The following HOMER1 variants were observed in gnomAD, a reference collection of about 807,000 sequenced individuals.
HOMER1 encodes the protein homer protein homolog 1.
HOMER1 carries 3 observed loss-of-function variants against 48.9 expected under a neutral mutation model. The ratio of observed to expected loss-of-function variants is 0.06; its 90% confidence interval spans 0.03 to 0.16. The LOEUF is 0.16. HOMER1 is among the 10% of genes least tolerant of loss of function. HOMER1 has a pLI of 1.00. For missense variants in HOMER1, 247 were observed against 411.4 expected (o/e 0.60, Z 3.46); for synonymous variants, 134 against 146.4 (o/e 0.92, Z 0.61).
chr5:79,464,136 G>C (rs1751390391), intron 1 of HOMER1, among the ~76,000 whole-genome samples: 1 of 152,068 alleles, frequency 6.6e-6, no homozygotes, highest in Non-Finnish European at 1.5e-5. Flanking sequence ...ATTAACGATG[G>C]AAAATAATGC....
intron 1 of HOMER1, among the ~76,000 whole-genome samples, chr5:79,484,836 C>T (rs1364489211): frequency 6.6e-6 from 1 of 152,196 alleles, no homozygotes; most frequent in Non-Finnish European, 1.5e-5. Flanking sequence ...CACACAATAT[C>T]TGTTAAGTGA....
chr5:79,438,695 TAAA>T (rs1299050823), intron 5 of HOMER1, among the ~76,000 whole-genome samples: 7 of 152,174 alleles, frequency 4.6e-5, no homozygotes, highest in Non-Finnish European at 8.8e-5. Context: ...GAGGCTATGT[TAAA>T]AGACAGGTAG....
intron 1 of HOMER1, among the ~76,000 whole-genome samples, chr5:79,469,896 G>A (rs1751572721): frequency 6.6e-6 from 1 of 152,196 alleles, no homozygotes; most frequent in Non-Finnish European, 1.5e-5. Flanking sequence ...AATCCCTGTA[G>A]TGATGTGGTG....
At chr5:79,415,231 T>C (rs1489614477) in intron 5 of HOMER1, among the ~76,000 whole-genome samples, 1 of 151,656 alleles carries the variant, frequency 6.6e-6, no homozygotes, top group African/African-American at 2.4e-5. Context: ...TTTTTGTATT[T>C]TTTTTTTTTG....
At chr5:79,500,953 G>GAGAC (rs1268308423) in intron 1 of HOMER1, among the ~76,000 whole-genome samples, 2 of 113,758 alleles carry the variant, frequency 1.8e-5, no homozygotes, top group Non-Finnish European at 3.6e-5. Context: ...GTGTGTGTGT[G>GAGAC]AGACAGACAG....
intron 5 of HOMER1, among the ~76,000 whole-genome samples, chr5:79,423,654 C>A (rs1319181834): frequency 6.6e-6 from 1 of 152,054 alleles, no homozygotes; most frequent in African/African-American, 2.4e-5. Flanking sequence ...AAAGGCAGTA[C>A]TAAGTCTCAT....
intron 8 of HOMER1, among the ~76,000 whole-genome samples, chr5:79,379,115 A>ATATATATATATATATATATATATAT (rs1349080228): frequency 3.6e-4 from 20 of 55,606 alleles, no homozygotes; most frequent in Non-Finnish European, 5.3e-4. Context: ...TATATATATA[A>ATATATATATATATATATATATATAT]AATATATAAA....
In HOMER1 at chr5:79,375,920, TTTTG is replaced by T; in HGVS notation, c.*85_*88del. The T allele has an allele frequency of 3.5e-6, 2 of 577,384 alleles. No homozygotes were observed. Among genetic ancestry groups the T allele is most frequent in the South Asian group, 8.5e-5 (1 of 11,814 alleles). The allele number at this position is 577,384 out of a possible 1,614,324, so 35.8% of individuals were successfully genotyped here. On this transcript the variant is annotated 3_prime_UTR_variant, in exon 9 of 9. Transcript: ENST00000334082. ...TGATATTCAATTTTTTTTTTTTTTT[TTTTG>T]TGCAATCTTGATGCAGAGCCTAAAC...
intron 8 of HOMER1, among the ~76,000 whole-genome samples, chr5:79,382,025 T>C (rs1263934609): frequency 6.6e-6 from 1 of 151,662 alleles, no homozygotes; most frequent in African/African-American, 2.4e-5. Context: ...AAAAAATACA[T>C]TCAAAAGATT....
At chr5:79,420,689 G>A (rs962214442) in intron 5 of HOMER1, among the ~76,000 whole-genome samples, 8 of 152,108 alleles carry the variant, frequency 5.3e-5, no homozygotes, top group African/African-American at 7.2e-5. Context: ...GAGAATGTTG[G>A]AGTAATCATG....
At chr5:79,441,802 C>T (rs924790944) in intron 4 of HOMER1, among the ~76,000 whole-genome samples, 2 of 152,008 alleles carry the variant, frequency 1.3e-5, no homozygotes, top group African/African-American at 4.8e-5. Flanking sequence ...CCAACTACCG[C>T]AGAGGTAGCC....
chr5:79,385,213 T>G (rs1055658474), intron 8 of HOMER1, among the ~76,000 whole-genome samples: 2 of 152,072 alleles, frequency 1.3e-5, no homozygotes, highest in African/African-American at 2.4e-5. Flanking sequence ...AGACTTCATG[T>G]CTATGACTTC....
In HOMER1 at chr5:79,373,339, A is replaced by G. The variant is rs754432940; in HGVS notation, c.*2670T>C. On this transcript the variant is annotated 3_prime_UTR_variant, in exon 9 of 9. Coordinates refer to ENST00000334082, the MANE Select transcript of HOMER1 (RefSeq NM_004272.5). The stretch of plus-strand genomic sequence containing the variant: ...CAATTTTTGTTTTTGTACAAGATTC[A>G]ATAGTTATCACATATTAACTTATAC... 6.6e-6 allele frequency: 1 copy of G among 152,026 alleles called. No homozygotes were observed. The highest frequency in any genetic ancestry group is 1.5e-5 in the Non-Finnish European group (1 of 67,932). 9.4% of individuals were successfully genotyped at this position (152,026 alleles called of 1,614,324 possible).
At chr5:79,395,863 A>G (rs1264843173) in intron 8 of HOMER1, among the ~76,000 whole-genome samples, 1 of 152,206 alleles carries the variant, frequency 6.6e-6, no homozygotes, top group African/African-American at 2.4e-5. Flanking sequence ...TAAAGTGCTA[A>G]GCCCAGTGTC....
intron 8 of HOMER1, among the ~76,000 whole-genome samples, chr5:79,379,099 TATATATATATATATAAA>T (rs1475217747): frequency 1.6e-5 from 1 of 60,994 alleles, no homozygotes; most frequent in Non-Finnish European, 2.5e-5. Flanking sequence ...TATATATATA[TATATATATATATATAAA>T]ATATATAAAT....
chr5:79,376,825 T>C (rs1017996313), intron 8 of HOMER1, among the ~76,000 whole-genome samples: 2 of 152,204 alleles, frequency 1.3e-5, no homozygotes, highest in Admixed American at 1.3e-4. Flanking sequence ...TCCAATACAT[T>C]GCAAACCAAG....
chr5:79,494,393 C>CT (rs1752367872), intron 1 of HOMER1, among the ~76,000 whole-genome samples: 1 of 152,186 alleles, frequency 6.6e-6, no homozygotes, highest in Non-Finnish European at 1.5e-5. Flanking sequence ...TCTTGGTTCC[C>CT]TTTATCAACT....
intron 5 of HOMER1, among the ~76,000 whole-genome samples, chr5:79,409,821 C>T (rs1395322816): frequency 2.0e-5 from 3 of 152,254 alleles, no homozygotes; most frequent in Non-Finnish European, 2.9e-5. Context: ...CACAATGAGA[C>T]ACCACCTCAC....
At chr5:79,460,020 CTTT>C in intron 1 of HOMER1, among the ~76,000 whole-genome samples, 1 of 152,054 alleles carries the variant, frequency 6.6e-6, no homozygotes, top group Admixed American at 6.5e-5. Flanking sequence ...TTTTTTCTTT[CTTT>C]CTTTCTTTTC....
Sources: allele counts gnomAD v4.1 joint callset (sites outside exome capture counted in the v4.1 genomes callset), GRCh38; gene constraint gnomAD v4.1.1; transcripts MANE v1.5; gene names NCBI Gene and HGNC (gene_info 2026-07-23, HGNC 2026-07-21).